The following RNF13 variants were observed in gnomAD, a reference collection of about 807,000 sequenced individuals.
The protein encoded by RNF13 is E3 ubiquitin-protein ligase RNF13.
Under a neutral mutation model 37.7 loss-of-function variants are expected in RNF13, and 19 were observed. The observed-to-expected ratio is 0.50, with a 90% CI of 0.35 to 0.74. The LOEUF (loss-of-function observed/expected upper bound fraction) is 0.74, where lower values mean the gene tolerates loss of function less well. Ranked by LOEUF, RNF13 falls within the 30% of genes least tolerant of loss-of-function variation. RNF13 has a pLI of 0.01. For synonymous variants in RNF13, 144 were observed against 157.8 expected (o/e 0.91, Z 0.65); for missense variants, 375 against 453.0 (o/e 0.83, Z 1.56).
intron 1 of RNF13, among the ~76,000 whole-genome samples, chr3:149,844,656 A>G (rs1324338890): frequency 6.6e-6 from 1 of 152,208 alleles, no homozygotes; most frequent in African/African-American, 2.4e-5. Flanking sequence ...AGACCTTTCT[A>G]GGGATAGCAA....
At chr3:149,954,993 C>T (rs928367788) in intron 8 of RNF13, among the ~76,000 whole-genome samples, 1 of 152,162 alleles carries the variant, frequency 6.6e-6, no homozygotes, top group Non-Finnish European at 1.5e-5. Context: ...TTTCACTTAA[C>T]ATCCCTCTAT....
chr3:149,945,374 G>A (rs1042428080), intron 8 of RNF13, among the ~76,000 whole-genome samples: 1 of 152,138 alleles, frequency 6.6e-6, no homozygotes, highest in African/African-American at 2.4e-5. Context: ...GGGGTGGGGG[G>A]TGCCCGCCAT....
intron 7 of RNF13, among the ~76,000 whole-genome samples, chr3:149,920,496 A>AT (rs754146199): frequency 2.4e-4 from 37 of 152,008 alleles, no homozygotes; most frequent in Middle Eastern, 3.4e-3. Context: ...GTTGTCTTTT[A>AT]TTTTTTTAAC....
intron 5 of RNF13, among the ~76,000 whole-genome samples, chr3:149,900,388 A>G (rs536954676): frequency 3.4e-4 from 51 of 152,218 alleles, no homozygotes; most frequent in African/African-American, 1.2e-3. Flanking sequence ...CCAAATATAA[A>G]AAAAAATATA....
At chr3:149,848,618 C>A (rs1455355593) in intron 2 of RNF13, among the ~76,000 whole-genome samples, 1 of 152,080 alleles carries the variant, frequency 6.6e-6, no homozygotes, top group Non-Finnish European at 1.5e-5. Context: ...ATTCTAGTTC[C>A]ATTTGCACAG....
chr3:149,916,440 C>T (rs1267533935), intron 7 of RNF13, among the ~76,000 whole-genome samples: 4 of 152,042 alleles, frequency 2.6e-5, no homozygotes, highest in African/African-American at 7.2e-5. Flanking sequence ...TATTCTGTAC[C>T]TATGGTGAAC....
intron 4 of RNF13, among the ~76,000 whole-genome samples, chr3:149,886,043 GGTGT>G (rs1374413465): frequency 6.6e-6 from 1 of 152,124 alleles, no homozygotes; most frequent in East Asian, 1.9e-4. Context: ...GTTCACTGTA[GGTGT>G]GTGGATTTGT....
intron 1 of RNF13, 116 bp from the exon 2 acceptor site, chr3:149,845,895 T>C (rs1559902740): frequency 3.5e-6 from 2 of 574,062 alleles, no homozygotes. Context: ...CTTTTAATGT[T>C]AATACATGTT....
At chr3:149,831,609 C>T (rs900224299) in intron 1 of RNF13, among the ~76,000 whole-genome samples, 6 of 152,220 alleles carry the variant, frequency 3.9e-5, no homozygotes, top group Non-Finnish European at 8.8e-5. Flanking sequence ...ATAGGCGGAA[C>T]GGACTTACCT....
At chr3:149,894,922 T>G (rs947417710) in intron 4 of RNF13, among the ~76,000 whole-genome samples, 1 of 152,110 alleles carries the variant, frequency 6.6e-6, no homozygotes, top group Non-Finnish European at 1.5e-5. Context: ...CCAACTATAT[T>G]CTTATGGTAC....
chr3:149,867,535 G>T (rs1256763279), intron 3 of RNF13, among the ~76,000 whole-genome samples: 1 of 151,744 alleles, frequency 6.6e-6, no homozygotes, highest in African/African-American at 2.4e-5. Context: ...AAAGTGCTGG[G>T]ATTATAGGCA....
chr3:149,872,926 A>G (rs1712247455), intron 4 of RNF13, among the ~76,000 whole-genome samples: 1 of 152,228 alleles, frequency 6.6e-6, no homozygotes, highest in Non-Finnish European at 1.5e-5. Flanking sequence ...AATAATATAA[A>G]GGGATTTGAA....
At chr3:149,937,248 G>C (rs1402901740) in intron 8 of RNF13, among the ~76,000 whole-genome samples, 1 of 152,134 alleles carries the variant, frequency 6.6e-6, no homozygotes. Flanking sequence ...GGCAGGAACA[G>C]CTTTCCTGCA....
intron 5 of RNF13, among the ~76,000 whole-genome samples, chr3:149,897,883 A>C (rs983856229): frequency 2.6e-5 from 4 of 152,190 alleles, no homozygotes; most frequent in African/African-American, 9.6e-5. Flanking sequence ...CACGTAAGGA[A>C]TATACCAATT....
intron 6 of RNF13, among the ~76,000 whole-genome samples, chr3:149,902,786 A>G (rs1715973561): frequency 6.6e-6 from 1 of 152,174 alleles, no homozygotes; most frequent in Non-Finnish European, 1.5e-5. Context: ...ACAGATCCCC[A>G]AAACGTAGTT....
intron 7 of RNF13, among the ~76,000 whole-genome samples, chr3:149,914,530 T>C (rs1717304724): frequency 6.6e-6 from 1 of 152,110 alleles, no homozygotes; most frequent in South Asian, 2.1e-4. Flanking sequence ...AAAATACCCT[T>C]GGAAAACCAG....
At chr3:149,916,307 G>A (rs949477288) in intron 7 of RNF13, among the ~76,000 whole-genome samples, 2 of 152,078 alleles carry the variant, frequency 1.3e-5, no homozygotes, top group African/African-American at 4.8e-5. Flanking sequence ...AATTTAAAGA[G>A]AATTTCTACT....
At chr3:149,851,842 T>C (rs1723149201) in intron 2 of RNF13, among the ~76,000 whole-genome samples, 1 of 152,238 alleles carries the variant, frequency 6.6e-6, no homozygotes, top group African/African-American at 2.4e-5. Context: ...TCACAATTAT[T>C]ATCATTACTG....
intron 2 of RNF13, among the ~76,000 whole-genome samples, chr3:149,851,836 AATT>A (rs1285141434): frequency 6.6e-6 from 1 of 152,156 alleles, no homozygotes; most frequent in African/African-American, 2.4e-5. Context: ...CTCATCTCAC[AATT>A]ATTATCATTA....
Sources: allele counts gnomAD v4.1 joint callset (sites outside exome capture counted in the v4.1 genomes callset), GRCh38; gene constraint gnomAD v4.1.1; transcripts MANE v1.5; gene names NCBI Gene and HGNC (gene_info 2026-07-23, HGNC 2026-07-21).